The following KCNMA1 variants were observed in gnomAD, a reference collection of about 807,000 sequenced individuals.
KCNMA1 encodes Calcium-activated potassium channel subunit alpha-1.
In KCNMA1, 29 loss-of-function variants were observed where a neutral mutation model predicts 140.0. That is an observed-to-expected ratio of 0.21 (90% CI 0.15 to 0.28). KCNMA1 has a LOEUF of 0.28. Ranked by LOEUF, KCNMA1 falls within the 10% of genes least tolerant of loss-of-function variation. The pLI, the probability that KCNMA1 is intolerant of heterozygous loss-of-function variation, is 1.00. For synonymous variants in KCNMA1, 612 were observed against 611.9 expected, an observed-to-expected ratio of 1.00 and a Z score of 0.00; for missense variants, 880 against 1,602.2, an observed-to-expected ratio of 0.55 and a Z score of 7.70.
rs886122945 is a variant in KCNMA1 at position 77,463,224 on chromosome 10, G to A, written c.379-59201C>T. On this transcript the variant is annotated intron_variant, in intron 1 of 27. Coordinates refer to ENST00000286628, the MANE Select transcript of KCNMA1 (RefSeq NM_001161352.2). ...CTCAGAGAGAGCCTCCTGGCCCTGC[G>A]TAGCCTGGGAAGATACCACCCACCA... Among the ~76,000 whole-genome samples the A allele has an allele frequency of 4.6e-5, 7 of 152,092 alleles. No homozygotes were observed. The East Asian group carries it at 5.8e-4, about 13-fold the overall frequency.
At position 77,359,277 on chromosome 10, in the gene KCNMA1, G is replaced by A. The variant is rs889493349; in HGVS notation, c.540+44585C>T. 3.3e-5 allele frequency among the ~76,000 whole-genome samples: 5 copies of A among 152,164 alleles called. 1 individual carries two copies. In the South Asian group the frequency reaches 6.2e-4, roughly 19 times the overall value. ...CGGGGAGGGGCAGGAAGGTTTGTCC[G>A]CCAGGAAGAAGAAACGAGTGTGTCG... On this transcript the variant is annotated intron_variant, in intron 2 of 27. Transcript: ENST00000286628.
In KCNMA1 at chr10:77,384,069, G is replaced by C. The variant is rs531967247; in HGVS notation, c.540+19793C>G. On this transcript the variant is annotated intron_variant, in intron 2 of 27. Coordinates refer to ENST00000286628, the MANE Select transcript of KCNMA1 (RefSeq NM_001161352.2). Reference sequence around the variant, plus strand: ...CACCGCAGGACCCTAGATGGTGTCTGACTCTAATGGTTCTAGATCAGCCTC... The same window carrying C: ...CACCGCAGGACCCTAGATGGTGTCTCACTCTAATGGTTCTAGATCAGCCTC... Among the ~76,000 whole-genome samples the C allele has an allele frequency of 3.9e-5, 6 of 152,360 alleles. No individual in the cohort carries two copies. The East Asian group carries it at 1.2e-3, about 29-fold the overall frequency.
chr10:77,595,860 C>T (rs187066266), intron 1 of KCNMA1, among the ~76,000 whole-genome samples: 6 of 152,282 alleles, frequency 3.9e-5, no homozygotes, highest in Admixed American at 2.0e-4. Context: ...CCATATTGGC[C>T]AGGCTGGTCT....
At position 77,335,860 on chromosome 10, in the gene KCNMA1, C is replaced by G. The variant is rs142153743; in HGVS notation, c.540+68002G>C. On this transcript the variant is annotated intron_variant, in intron 2 of 27. Transcript: ENST00000286628. ...GGAAGAAACTCAAGCCCGGTCAGGT[C>G]TGACTCCAAGACCCATGCTCCTCAC... Among the ~76,000 whole-genome samples, 496 of 152,280 alleles carry G rather than the reference C, an allele frequency of 3.3e-3. 1 individual carries two copies. Among genetic ancestry groups the G allele is most frequent in the Non-Finnish European group, 5.9e-3 (404 of 68,016 alleles).
intron 14 of KCNMA1, among the ~76,000 whole-genome samples, chr10:77,048,895 G>A (rs968463492): frequency 6.6e-6 from 1 of 152,064 alleles, no homozygotes; most frequent in African/African-American, 2.4e-5. Flanking sequence ...TGACTAGCTG[G>A]GACTACAAGC....
chr10:77,260,393 G>C (rs1035953382), intron 2 of KCNMA1, among the ~76,000 whole-genome samples: 3 of 152,146 alleles, frequency 2.0e-5, no homozygotes, highest in African/African-American at 7.2e-5. Context: ...GCAATGAAGG[G>C]CCAGAGTGTC....
rs71028253 is a variant in KCNMA1 at position 77,134,997 on chromosome 10, C to CAAAAAAAAAAAA, written c.809-13961_809-13950dup. ...TGGGAGACAGAGCAAGACTCTGTCT[C>CAAAAAAAAAAAA]AAAAAAAAAAAAAAAAAAAAAAAAA... is the stretch of plus-strand genomic sequence containing the variant. On this transcript the variant is annotated intron_variant, in intron 5 of 27. Coordinates refer to ENST00000286628, the MANE Select transcript of KCNMA1 (RefSeq NM_001161352.2). Among the ~76,000 whole-genome samples, 54 of 11,768 alleles carry CAAAAAAAAAAAA rather than the reference C, an allele frequency of 4.6e-3. 11 individuals carry two copies. Among genetic ancestry groups the CAAAAAAAAAAAA allele is most frequent in the Admixed American group, 0.014 (7 of 512 alleles). The allele number at this position is 11,768 out of a possible 152,430, so 7.7% of individuals were successfully genotyped here.
intron 2 of KCNMA1, among the ~76,000 whole-genome samples, chr10:77,264,344 G>T (rs1476372507): frequency 6.6e-6 from 1 of 152,118 alleles, no homozygotes; most frequent in African/African-American, 2.4e-5. Flanking sequence ...TTTGTTTGAG[G>T]GTGGGTGGAT....
chr10:77,616,805 C>CAAA (rs112798861), intron 1 of KCNMA1, among the ~76,000 whole-genome samples: 1 of 121,048 alleles, frequency 8.3e-6, no homozygotes. Flanking sequence ...AGCTCCATCT[C>CAAA]AAAAAAAAAA....
chr10:77,536,613 A>C (rs2058948555), intron 1 of KCNMA1, among the ~76,000 whole-genome samples: 1 of 152,206 alleles, frequency 6.6e-6, no homozygotes, highest in South Asian at 2.1e-4. Flanking sequence ...AAGTAGAGGC[A>C]CAAAGAGGTG....
intron 1 of KCNMA1, among the ~76,000 whole-genome samples, chr10:77,445,469 A>G (rs954918506): frequency 5.9e-5 from 9 of 152,308 alleles, no homozygotes; most frequent in East Asian, 1.9e-4. Flanking sequence ...AAAAATATCA[A>G]TGAATGACCA....
intron 19 of KCNMA1, among the ~76,000 whole-genome samples, chr10:76,996,366 T>C (rs2084321288): frequency 6.6e-6 from 1 of 152,246 alleles, no homozygotes; most frequent in African/African-American, 2.4e-5. Flanking sequence ...CAGTGGCTTC[T>C]GTAGCCTCAC....
chr10:77,489,049 G>T (rs2098500129), intron 1 of KCNMA1, among the ~76,000 whole-genome samples: 2 of 152,092 alleles, frequency 1.3e-5, no homozygotes, highest in Admixed American at 6.5e-5. Flanking sequence ...AGGCAGAGGG[G>T]GTCATAAGGG....
At position 76,885,321 on chromosome 10, in the gene KCNMA1, T is replaced by G. The variant is rs199684427; in HGVS notation, c.*1945A>C. The G allele has an allele frequency of 2.4e-5, 23 of 959,550 alleles. No homozygotes were observed. In the South Asian group the frequency reaches 3.9e-4, roughly 16 times the overall value. 59.4% of individuals were successfully genotyped at this position (959,550 alleles called of 1,614,324 possible). A position where few individuals can be genotyped will look rare whatever the true frequency, so the allele number is the denominator to read the frequency against. On this transcript the variant is annotated 3_prime_UTR_variant, in exon 28 of 28. Coordinates refer to ENST00000286628, the MANE Select transcript of KCNMA1 (RefSeq NM_001161352.2). ...TCAATATATAGAGGGACAAAAATAA[T>G]TTGAAAAAATTCTTCCACTCATAGG...
intron 20 of KCNMA1, among the ~76,000 whole-genome samples, chr10:76,964,100 C>T (rs1053937424): frequency 1.4e-4 from 21 of 151,960 alleles, no homozygotes; most frequent in Admixed American, 4.6e-4. Flanking sequence ...AACAGGGCTT[C>T]CACTCTTCTG....
At chr10:77,132,298 A>G (rs2097879681) in intron 5 of KCNMA1, among the ~76,000 whole-genome samples, 1 of 152,186 alleles carries the variant, frequency 6.6e-6, no homozygotes, top group South Asian at 2.1e-4. Flanking sequence ...TCACACAGCC[A>G]TCTTCATACA....
intron 20 of KCNMA1, among the ~76,000 whole-genome samples, chr10:76,959,275 A>T (rs1226926282): frequency 1.3e-5 from 2 of 152,218 alleles, no homozygotes; most frequent in African/African-American, 2.4e-5. Context: ...TATAGAGTCC[A>T]TCTCCAAATG....
intron 1 of KCNMA1, among the ~76,000 whole-genome samples, chr10:77,585,809 C>T (rs2077122742): frequency 6.6e-6 from 1 of 152,218 alleles, no homozygotes; most frequent in African/African-American, 2.4e-5. Context: ...TCCTATCAGA[C>T]CACAGCTCCT....
At chr10:77,341,763 G>A (rs2090988237) in intron 2 of KCNMA1, among the ~76,000 whole-genome samples, 1 of 152,234 alleles carries the variant, frequency 6.6e-6, no homozygotes, top group African/African-American at 2.4e-5. Context: ...TAGCAGCTGA[G>A]TCTAAAAGCT....
Sources: allele counts gnomAD v4.1 joint callset (sites outside exome capture counted in the v4.1 genomes callset), GRCh38; gene constraint gnomAD v4.1.1; transcripts MANE v1.5; gene names NCBI Gene and HGNC (gene_info 2026-07-23, HGNC 2026-07-21).